The following ZNF804B variants were observed in gnomAD, a reference collection of about 807,000 sequenced individuals.
The protein encoded by ZNF804B is zinc finger protein 804B, also known as zinc finger 804B.
In ZNF804B, 80 loss-of-function variants were observed where a neutral mutation model predicts 101.4. That is an observed-to-expected ratio of 0.79 (90% confidence interval 0.66 to 0.95). ZNF804B has a LOEUF of 0.95. ZNF804B is among the 40% of genes least tolerant of loss of function. ZNF804B has a pLI of 0.00. For missense variants in ZNF804B, 1,673 were observed against 1,561.9 expected (o/e 1.07, Z -1.20); for synonymous variants, 622 against 558.8 (o/e 1.11, Z -1.59).
chr7:88,975,485 A>G (rs911199517), intron 1 of ZNF804B, among the ~76,000 whole-genome samples: 1 of 151,300 alleles, frequency 6.6e-6, no homozygotes, highest in Admixed American at 6.6e-5. Context: ...TTTAACAAGG[A>G]TGAGAAAGTA....
At chr7:89,133,534 T>C (rs189939160) in intron 1 of ZNF804B, among the ~76,000 whole-genome samples, 3 of 152,134 alleles carry the variant, frequency 2.0e-5, no homozygotes, top group Admixed American at 2.0e-4. Context: ...GTAATGAGCT[T>C]TCCTGTTACC....
rs1191296258 is a variant in ZNF804B at position 88,762,695 on chromosome 7, TCTGA to T, written c.108+2614_108+2617del. 5.8e-4 allele frequency among the ~76,000 whole-genome samples: 87 copies of T among 149,412 alleles called. 1 individual carries two copies. Among genetic ancestry groups the T allele is most frequent in the African/African-American group, 2.0e-3 (83 of 40,490 alleles). On this transcript the variant is annotated intron_variant, in intron 1 of 3. Transcript: ENST00000333190. ...TATTTCCTTAAAAAAACATAGCTAC[TCTGA>T]CTTTTTTTTTTTTTCAAATTTAGTG...
chr7:89,031,181 A>C (rs1360615636), intron 1 of ZNF804B, among the ~76,000 whole-genome samples: 1 of 137,842 alleles, frequency 7.3e-6, no homozygotes, highest in African/African-American at 2.6e-5. Context: ...ATAAAAATAT[A>C]TATGTGTATA....
At chr7:89,328,098 T>C (rs937417454) in intron 3 of ZNF804B, among the ~76,000 whole-genome samples, 2 of 152,026 alleles carry the variant, frequency 1.3e-5, no homozygotes, top group Non-Finnish European at 2.9e-5. Context: ...TGTGTTCATA[T>C]GAATCATAAT....
At chr7:89,141,335 G>A (rs144707448) in intron 1 of ZNF804B, among the ~76,000 whole-genome samples, 149 of 152,152 alleles carry the variant, frequency 9.8e-4, no homozygotes, top group African/African-American at 3.5e-3. Flanking sequence ...GTCAACACAG[G>A]ATTGCCACAG....
intron 1 of ZNF804B, among the ~76,000 whole-genome samples, chr7:88,925,649 A>G (rs1792786628): frequency 6.6e-6 from 1 of 152,182 alleles, no homozygotes; most frequent in Admixed American, 6.5e-5. Flanking sequence ...ATAATAGAAA[A>G]GAGAAAAAAG....
intron 1 of ZNF804B, among the ~76,000 whole-genome samples, chr7:89,148,334 A>C (rs1200142010): frequency 1.3e-5 from 2 of 152,110 alleles, no homozygotes; most frequent in Non-Finnish European, 2.9e-5. Flanking sequence ...ATTAGTTACT[A>C]GTGAAAGTGT....
chr7:89,048,459 T>C (rs532066411), intron 1 of ZNF804B, among the ~76,000 whole-genome samples: 3 of 152,068 alleles, frequency 2.0e-5, no homozygotes, highest in Non-Finnish European at 4.4e-5. Context: ...AACTCAGCTT[T>C]CATGGTCTCT....
intron 1 of ZNF804B, among the ~76,000 whole-genome samples, chr7:88,930,618 T>C (rs1308336071): frequency 6.6e-6 from 1 of 151,948 alleles, no homozygotes; most frequent in Non-Finnish European, 1.5e-5. Context: ...ATTGGATGTG[T>C]ATGCATGAGT....
At chr7:89,240,119 GATTT>G (rs1789345443) in intron 2 of ZNF804B, among the ~76,000 whole-genome samples, 1 of 151,004 alleles carries the variant, frequency 6.6e-6, no homozygotes, top group South Asian at 2.1e-4. Context: ...AGAGAAGCAT[GATTT>G]ATTTTTCAGA....
intron 1 of ZNF804B, among the ~76,000 whole-genome samples, chr7:88,989,172 T>C (rs950223756): frequency 3.9e-5 from 6 of 151,944 alleles, no homozygotes; most frequent in Non-Finnish European, 5.9e-5. Flanking sequence ...TAATTTTTTG[T>C]ATTTTAGTAG....
chr7:89,216,172 T>G (rs1044075328), intron 1 of ZNF804B, among the ~76,000 whole-genome samples: 10 of 151,914 alleles, frequency 6.6e-5, no homozygotes, highest in African/African-American at 2.2e-4. Context: ...CTGGGCGCGG[T>G]GGCGCGCGCC....
chr7:89,208,741 G>T (rs1043576404), intron 1 of ZNF804B, among the ~76,000 whole-genome samples: 1 of 152,052 alleles, frequency 6.6e-6, no homozygotes, highest in Non-Finnish European at 1.5e-5. Flanking sequence ...GACTGGGCAC[G>T]GTGGCTCACG....
At chr7:89,059,665 A>T (rs566403482) in intron 1 of ZNF804B, among the ~76,000 whole-genome samples, 9 of 152,272 alleles carry the variant, frequency 5.9e-5, no homozygotes, top group Admixed American at 2.0e-4. Flanking sequence ...TATTGTTTTT[A>T]TTTGGAAATA....
intron 1 of ZNF804B, among the ~76,000 whole-genome samples, chr7:89,092,115 G>C (rs1046307713): frequency 3.3e-5 from 5 of 151,568 alleles, no homozygotes; most frequent in African/African-American, 1.2e-4. Context: ...CAAAACATGT[G>C]GTGTCTGGTG....
At position 89,036,798 on chromosome 7, in the gene ZNF804B, G is replaced by C. The variant is rs575550548; in HGVS notation, c.109-181357G>C. 2.0e-5 allele frequency among the ~76,000 whole-genome samples: 3 copies of C among 152,220 alleles called. No homozygotes were observed. The South Asian group carries it at 6.2e-4, about 32-fold the overall frequency. On this transcript the variant is annotated intron_variant, in intron 1 of 3. Coordinates refer to ENST00000333190, the MANE Select transcript of ZNF804B (RefSeq NM_181646.5). ...AGGAGTCTGAAGTAGCTGGTGTTGG[G>C]TTGGACTCACTTCCAAGCTGAATTT... is the stretch of plus-strand genomic sequence containing the variant.
chr7:89,107,371 T>G (rs1375267115), intron 1 of ZNF804B, among the ~76,000 whole-genome samples: 1 of 152,152 alleles, frequency 6.6e-6, no homozygotes, highest in Non-Finnish European at 1.5e-5. Context: ...AGTTTCCATA[T>G]GTTTGAGATA....
At chr7:89,164,624 T>G (rs1235866731) in intron 1 of ZNF804B, among the ~76,000 whole-genome samples, 1 of 152,156 alleles carries the variant, frequency 6.6e-6, no homozygotes, top group Non-Finnish European at 1.5e-5. Flanking sequence ...CTGTCCACCA[T>G]GTCTTTAAAC....
At chr7:89,164,714 A>G (rs1791115548) in intron 1 of ZNF804B, among the ~76,000 whole-genome samples, 1 of 152,172 alleles carries the variant, frequency 6.6e-6, no homozygotes, top group African/African-American at 2.4e-5. Context: ...AGAACTTTCT[A>G]AAATTTCTTC....
Sources: gnomAD v4.1 joint callset for allele counts (sites outside exome capture counted in the v4.1 genomes callset) on GRCh38, gnomAD v4.1.1 for gene constraint, MANE v1.5 for transcripts, NCBI Gene and HGNC (gene_info 2026-07-23, HGNC 2026-07-21) for gene names.